Variants in CDKAL1 observed in about 807,000 individuals in gnomAD.
CDKAL1 encodes CDKAL1 threonylcarbamoyladenosine tRNA methylthiotransferase.
In CDKAL1, 32 loss-of-function variants were observed where a neutral mutation model predicts 68.2. That is an observed-to-expected ratio of 0.47 (90% CI 0.35 to 0.63). The LOEUF is 0.63. Among genes scored for constraint, CDKAL1 ranks in the 30% least tolerant of loss-of-function variants. The probability of loss-of-function intolerance (pLI) is 0.00; values close to 1 mark genes in which losing one functional copy is unlikely to be tolerated. For missense variants in CDKAL1, 606 were observed against 696.7 expected (o/e 0.87, Z 1.47); for synonymous variants, 234 against 244.3 (o/e 0.96, Z 0.39).
intron 13 of CDKAL1, among the ~76,000 whole-genome samples, chr6:21,193,054 CAT>C (rs1778324125): frequency 6.6e-6 from 1 of 152,022 alleles, no homozygotes; most frequent in Non-Finnish European, 1.5e-5. Flanking sequence ...CCTGTCCTCA[CAT>C]GATTCTCCCA....
intron 15 of CDKAL1, among the ~76,000 whole-genome samples, chr6:21,213,894 A>T (rs1247513727): frequency 6.6e-5 from 10 of 152,204 alleles, no homozygotes; most frequent in African/African-American, 2.4e-5. Flanking sequence ...TACCAGCATT[A>T]TTCATAAATA....
intron 10 of CDKAL1, among the ~76,000 whole-genome samples, chr6:20,963,231 T>C (rs1479589837): frequency 6.6e-6 from 1 of 152,062 alleles, no homozygotes; most frequent in Non-Finnish European, 1.5e-5. Flanking sequence ...TTATAGGCTC[T>C]ACCTAACATT....
At chr6:21,130,270 G>A (rs1445390243) in intron 13 of CDKAL1, among the ~76,000 whole-genome samples, 1 of 146,460 alleles carries the variant, frequency 6.8e-6, no homozygotes, top group East Asian at 2.0e-4. Context: ...TGTTCCCCAG[G>A]CTGGAGTGCA....
At chr6:21,178,434 T>A (rs912688632) in intron 13 of CDKAL1, among the ~76,000 whole-genome samples, 2 of 152,212 alleles carry the variant, frequency 1.3e-5, no homozygotes, top group Admixed American at 1.3e-4. Context: ...TGATGTGCCC[T>A]GTGTAATTCT....
chr6:20,683,145 G>A, intron 5 of CDKAL1, among the ~76,000 whole-genome samples: 1 of 151,970 alleles, frequency 6.6e-6, no homozygotes, highest in East Asian at 1.9e-4. Flanking sequence ...ATTGAGTAAT[G>A]TGTTAGGTAC....
rs535046092 is a variant in CDKAL1 at position 20,760,693 on chromosome 6, G to A, written c.517+2050G>A. ...TCACTACCTTAAATGTTATTTGATTGAGTGTCTTAAGCAGTGATTTAAGAT... is the reference window on the plus strand; with the variant it reads ...TCACTACCTTAAATGTTATTTGATTAAGTGTCTTAAGCAGTGATTTAAGAT... On this transcript the variant is annotated intron_variant, in intron 7 of 15. Coordinates refer to ENST00000274695, the MANE Select transcript of CDKAL1 (RefSeq NM_017774.3). 4.6e-5 allele frequency among the ~76,000 whole-genome samples: 7 copies of A among 152,266 alleles called. No homozygotes were observed. The South Asian group carries it at 1.0e-3, about 23-fold the overall frequency.
chr6:21,166,249 A>C (rs1777147528), intron 13 of CDKAL1, among the ~76,000 whole-genome samples: 1 of 152,302 alleles, frequency 6.6e-6, no homozygotes, highest in East Asian at 1.9e-4. Flanking sequence ...TTTCACTATT[A>C]CCAGAAAATG....
chr6:20,740,700 T>C (rs1398973192), intron 6 of CDKAL1, among the ~76,000 whole-genome samples: 1 of 152,226 alleles, frequency 6.6e-6, no homozygotes, highest in Non-Finnish European at 1.5e-5. Context: ...TGTAATGAAC[T>C]TGTTTTCTGC....
At chr6:20,982,011 G>A (rs543075358) in intron 10 of CDKAL1, among the ~76,000 whole-genome samples, 2 of 151,922 alleles carry the variant, frequency 1.3e-5, no homozygotes, top group South Asian at 2.1e-4. Context: ...TACTTGATGT[G>A]GAAATCACTT....
intron 5 of CDKAL1, among the ~76,000 whole-genome samples, chr6:20,694,042 T>TTGTGTGTGTGTG (rs1231271309): frequency 1.4e-4 from 16 of 114,402 alleles, no homozygotes; most frequent in African/African-American, 6.7e-4. Flanking sequence ...CCGGCTAACT[T>TTGTGTGTGTGTG]TGTGTGTGTG....
intron 9 of CDKAL1, among the ~76,000 whole-genome samples, chr6:20,922,327 T>C (rs1368140384): frequency 6.6e-6 from 1 of 152,224 alleles, no homozygotes; most frequent in East Asian, 1.9e-4. Context: ...ATCCTGGTTT[T>C]GAAATTTTTC....
chr6:20,990,691 A>G (rs1263930711), intron 10 of CDKAL1, among the ~76,000 whole-genome samples: 1 of 152,252 alleles, frequency 6.6e-6, no homozygotes, highest in Non-Finnish European at 1.5e-5. Flanking sequence ...TAATTGCTAG[A>G]GTAAATACAG....
At chr6:21,148,463 A>G (rs988723217) in intron 13 of CDKAL1, among the ~76,000 whole-genome samples, 2 of 152,246 alleles carry the variant, frequency 1.3e-5, no homozygotes, top group Non-Finnish European at 2.9e-5. Flanking sequence ...CAGAGCATAT[A>G]CAGAAGAATG....
chr6:20,935,710 A>G (rs1235926120), intron 9 of CDKAL1, among the ~76,000 whole-genome samples: 2 of 152,170 alleles, frequency 1.3e-5, no homozygotes, highest in East Asian at 3.9e-4. Flanking sequence ...GATTACAGGT[A>G]TGAGCCACCA....
At chr6:20,864,620 T>A (rs1045460701) in intron 9 of CDKAL1, among the ~76,000 whole-genome samples, 2 of 152,128 alleles carry the variant, frequency 1.3e-5, no homozygotes, top group Non-Finnish European at 2.9e-5. Flanking sequence ...AAAAATAAAG[T>A]GCTACTTAAT....
intron 9 of CDKAL1, among the ~76,000 whole-genome samples, chr6:20,888,617 G>A (rs1326640019): frequency 6.9e-6 from 1 of 144,864 alleles, no homozygotes; most frequent in Non-Finnish European, 1.5e-5. Flanking sequence ...GAGAACATGA[G>A]GTGTTTGGTT....
At chr6:20,640,429 G>A (rs1210631615) in intron 4 of CDKAL1, among the ~76,000 whole-genome samples, 1 of 152,186 alleles carries the variant, frequency 6.6e-6, no homozygotes, top group Non-Finnish European at 1.5e-5. Context: ...TTATGCAGAA[G>A]CCTGCAGGGG....
chr6:21,208,416 G>A (rs1199196538), intron 15 of CDKAL1, among the ~76,000 whole-genome samples: 1 of 152,072 alleles, frequency 6.6e-6, no homozygotes, highest in Non-Finnish European at 1.5e-5. Context: ...ATTAGTTCAA[G>A]GCCAGATTTG....
intron 9 of CDKAL1, among the ~76,000 whole-genome samples, chr6:20,944,546 T>A (rs1052143534): frequency 3.9e-5 from 6 of 152,182 alleles, no homozygotes; most frequent in African/African-American, 1.4e-4. Context: ...AGGGTTTCCA[T>A]GTTGGCCAGG....
Sources: gnomAD v4.1 joint callset for allele counts (sites outside exome capture counted in the v4.1 genomes callset) on GRCh38, gnomAD v4.1.1 for gene constraint, MANE v1.5 for transcripts, NCBI Gene and HGNC (gene_info 2026-07-23, HGNC 2026-07-21) for gene names.